HK3: variants seen among roughly 807,000 people sequenced by gnomAD.
HK3 encodes the protein hexokinase-3.
In HK3, 93 loss-of-function variants were observed where a neutral mutation model predicts 91.0. The ratio of observed to expected loss-of-function variants is 1.02; its 90% CI spans 0.86 to 1.21. The LOEUF is 1.21. HK3 is among the 50% of genes most tolerant of loss of function. HK3 has a pLI of 0.00. For synonymous variants in HK3, 519 were observed against 516.9 expected (o/e 1.00, Z -0.06); for missense variants, 1,235 against 1,247.4 (o/e 0.99, Z 0.15).
chr5:176,884,056 C>T lies in HK3; in HGVS notation c.1936G>A (p.Ala646Thr). ...GQDVVSLLRE[A>T]ITRRQAVELN... is the part of the protein sequence containing the mutation. Reference sequence around the variant, plus strand: ...GCTCCTACCTGTCTGCGAGTGATGGCTTCCCGCAACAGACTCACGACATCT... The same window carrying T: ...GCTCCTACCTGTCTGCGAGTGATGGTTTCCCGCAACAGACTCACGACATCT... Residue 646 changes from alanine to threonine, a missense_variant, in exon 14 of 19, where the codon GCC becomes ACC. By Grantham distance (58) the Ala-to-Thr change is moderately conservative (BLOSUM62 0). Transcript: ENST00000292432. This position sits in a 1 kb window ranked among gnomAD's most constrained non-coding sequence, Gnocchi z 4.1. 6.2e-7 allele frequency: 1 copy of T among 1,614,172 alleles called. No homozygotes were observed. The highest frequency in any genetic ancestry group is 8.5e-7 in the Non-Finnish European group (1 of 1,180,016).
chr5:176,888,969 C>A, intron 8 of HK3, 105 bp from the exon 9 acceptor site: 2 of 1,335,334 alleles, frequency 1.5e-6, no homozygotes, highest in East Asian at 2.4e-5. Context: ...TTGGGGCTCC[C>A]AAACTGGAGA....
rs1319288171 is a variant in HK3 at position 176,881,691 on chromosome 5, C to G, written c.2393+1G>C. 6.2e-7 allele frequency: 1 copy of G among 1,614,084 alleles called. No homozygotes were observed. ...GGGGAGGCAATGTAGGCCTCAGGCACCTTTCGATCTCAGAGAGGAACTTGG... is the reference window on the plus strand; with the variant it reads ...GGGGAGGCAATGTAGGCCTCAGGCAGCTTTCGATCTCAGAGAGGAACTTGG... On this transcript the variant is annotated splice_donor_variant, in intron 17 of 18. Transcript: ENST00000292432. LOFTEE classifies it high-confidence loss of function.
rs528270181 is a variant in HK3 at position 176,887,248 on chromosome 5, C to T, written c.1690G>A (p.Glu564Lys). 6.8e-6 allele frequency: 11 copies of T among 1,614,098 alleles called. No homozygotes were observed. The South Asian group carries it at 7.7e-5, about 11-fold the overall frequency. Reference protein sequence around the residue: ...RVTTGVQITSEIYSIPETVAQ... With the variant: ...RVTTGVQITSKIYSIPETVAQ... ...ACAGTCTCGGGAATGGAGTAGATCT[C>T]GCTGGTGATCTGCACGCCTGTGGTC... is the stretch of plus-strand genomic sequence containing the variant. The change falls in exon 12 of 19, where the codon GAG becomes AAG. Residue 564 changes from glutamate (E) to lysine (K), a missense_variant. This residue lies in a region of HK3 where 5 missense variants were observed against 18.4 expected (regional missense o/e 0.27). Coordinates refer to ENST00000292432, the MANE Select transcript of HK3 (RefSeq NM_002115.3). This position sits in a 1 kb window ranked among gnomAD's most constrained non-coding sequence, Gnocchi z 4.9.
In HK3 at chr5:176,884,619, TGTTCCAAATGCAGGGGCAG is replaced by T. The variant is rs1301483044; in HGVS notation, c.1858-504_1858-486del. Among the ~76,000 whole-genome samples, 1 of 152,210 alleles carries T rather than the reference TGTTCCAAATGCAGGGGCAG, an allele frequency of 6.6e-6. No individual in the cohort carries two copies. The highest frequency in any genetic ancestry group is 1.5e-5 in the Non-Finnish European group (1 of 68,034). On this transcript the variant is annotated intron_variant, in intron 13 of 18. Transcript: ENST00000292432. This position sits in a 1 kb window ranked among gnomAD's most constrained non-coding sequence, Gnocchi z 4.1. ...CGTGTCAATGGGCGAGTCACTCATG[TGTTCCAAATGCAGGGGCAG>T]GAGGAATGGAAAAGCCAGAACCCAG...
At chr5:176,892,357 C>T (rs1288452446) in intron 2 of HK3, among the ~76,000 whole-genome samples, 3 of 152,078 alleles carry the variant, frequency 2.0e-5, no homozygotes, top group Admixed American at 1.3e-4. Context: ...ACAAGCCATT[C>T]GAAGATCCAG....
Position 176,887,846 on chromosome 5 carries a change from C to T in HK3, c.1305-100G>A, listed in dbSNP as rs1758643709. 1.6e-6 allele frequency: 2 copies of T among 1,289,442 alleles called. No homozygotes were observed. The allele number at this position is 1,289,442 out of a possible 1,614,324, so 79.9% of individuals were successfully genotyped here. On this transcript the variant is annotated intron_variant, in intron 10 of 18. Coordinates refer to ENST00000292432, the MANE Select transcript of HK3 (RefSeq NM_002115.3). The surrounding 1 kb of genome is among the most constrained non-coding windows in gnomAD (Gnocchi z 4.9). ...GGACCCCCAGATACATACAGGTGTGCCCAGCTTGGCCCCAGACCCCTAGGG... is the reference window on the plus strand; with the variant it reads ...GGACCCCCAGATACATACAGGTGTGTCCAGCTTGGCCCCAGACCCCTAGGG...
rs1758642098 is a variant in HK3, at chr5:176,887,802, G to A, written c.1305-56C>T. On this transcript the variant is annotated intron_variant, in intron 10 of 18. Transcript: ENST00000292432. This position sits in a 1 kb window ranked among gnomAD's most constrained non-coding sequence, Gnocchi z 4.9. ...GCCCTGGACCCCCAGACACACACAGGTGTGCACGGCTTGGCCCTGGACCCC... is the reference window on the plus strand; with the variant it reads ...GCCCTGGACCCCCAGACACACACAGATGTGCACGGCTTGGCCCTGGACCCC... 13 of 1,548,594 alleles carry A rather than the reference G, an allele frequency of 8.4e-6. No individual in the cohort carries two copies. Among genetic ancestry groups the A allele is most frequent in the Admixed American group, 5.3e-5 (3 of 56,088 alleles).
At chr5:176,890,263 A>G (rs1758730464) in intron 6 of HK3, among the ~76,000 whole-genome samples, 1 of 152,160 alleles carries the variant, frequency 6.6e-6, no homozygotes, top group Non-Finnish European at 1.5e-5. Context: ...CCCTGATCAA[A>G]GAGCCAGTGC....
Position 176,882,041 on chromosome 5 carries a change from C to T in HK3, c.2140G>A (p.Glu714Lys). The T allele has an allele frequency of 6.2e-7, 1 of 1,613,186 alleles. No individual in the cohort carries two copies. The highest frequency in any genetic ancestry group is 8.5e-7 in the Non-Finnish European group (1 of 1,180,018). Residue 714 changes from glutamate to lysine, a missense_variant, in exon 16 of 19, where the codon GAG (glutamate) becomes AAG (lysine). Coordinates refer to ENST00000292432, the MANE Select transcript of HK3 (RefSeq NM_002115.3). ...CCATCGTCCCCAAAGGCGCCCCACT[C>T]CATGTTGATGCACATGCGGCCTGAG... ...GDSGRMCINM[E>K]WGAFGDDGSL...
Position 176,887,797 on chromosome 5 carries a change from C to T in HK3, c.1305-51G>A, listed in dbSNP as rs780805641. ...GCTTGGCCCTGGACCCCCAGACACA[C>T]ACAGGTGTGCACGGCTTGGCCCTGG... is the stretch of plus-strand genomic sequence containing the variant. On this transcript the variant is annotated intron_variant, in intron 10 of 18. Transcript: ENST00000292432. This position sits in a 1 kb window ranked among gnomAD's most constrained non-coding sequence, Gnocchi z 4.9. The T allele has an allele frequency of 3.2e-6, 5 of 1,549,638 alleles. No individual in the cohort carries two copies. Among genetic ancestry groups the T allele is most frequent in the Non-Finnish European group, 4.4e-6 (5 of 1,141,892 alleles).
At chr5:176,881,257 C>T in intron 18 of HK3, 40 bp from the exon 19 acceptor site, 1 of 1,613,318 alleles carries the variant, frequency 6.2e-7, no homozygotes, top group South Asian at 1.1e-5. Context: ...GCCACCAGCC[C>T]CACCTGGCCA....
Position 176,881,889 on chromosome 5 carries a change from C to A in HK3, c.2238-42G>T, listed in dbSNP as rs201115878. 3 of 1,612,066 alleles carry A rather than the reference C, an allele frequency of 1.9e-6. No homozygotes were observed. In the Admixed American group the frequency reaches 5.0e-5, roughly 27 times the overall value. On this transcript the variant is annotated intron_variant, in intron 16 of 18. Coordinates refer to ENST00000292432, the MANE Select transcript of HK3 (RefSeq NM_002115.3). ...GCACTCGGCAGAAGGCCCCACCAGC[C>A]ACCATCCCCAGCACCGGTCACAGCC...
chr5:176,898,557 C>T (rs542721945), intron 1 of HK3, among the ~76,000 whole-genome samples: 1 of 152,364 alleles, frequency 6.6e-6, no homozygotes, highest in Non-Finnish European at 1.5e-5. Flanking sequence ...TTCCCTCATC[C>T]ATTCAATATT....
At position 176,894,721 on chromosome 5, in the gene HK3, G is replaced by T. The variant is rs908931439; in HGVS notation, c.96+1343C>A. 1.4e-4 allele frequency among the ~76,000 whole-genome samples: 22 copies of T among 151,846 alleles called. 1 individual carries two copies. The South Asian group carries it at 4.0e-3, about 27-fold the overall frequency. ...TGTCAGAATATGCCAGAAAACTAAA[G>T]AAACTGCAGAGAATGACTCAAGTAC... On this transcript the variant is annotated intron_variant, in intron 2 of 18. Coordinates refer to ENST00000292432, the MANE Select transcript of HK3 (RefSeq NM_002115.3).
At chr5:176,888,965 C>T in intron 8 of HK3, 101 bp from the exon 9 acceptor site, 2 of 1,379,330 alleles carry the variant, frequency 1.4e-6, no homozygotes, top group Non-Finnish European at 1.9e-6. Flanking sequence ...TTCTTTGGGG[C>T]TCCCAAACTG....
Position 176,889,465 on chromosome 5 carries a change from A to C in HK3, c.830T>G (p.Phe277Cys). ...TGGTCCCAGCGCCCCATCATCGCTGAAGGAGCCCCACTCGACGCTGACGCA... is the reference window on the plus strand; with the variant it reads ...TGGTCCCAGCGCCCCATCATCGCTGCAGGAGCCCCACTCGACGCTGACGCA... ...RVCVSVEWGS[F>C]SDDGALGPVL... Residue 277 changes from phenylalanine (F) to cysteine (C), a missense_variant, in exon 8 of 19, where the codon TTC (phenylalanine) becomes TGC (cysteine). Phe to Cys is a radical substitution (Grantham distance 205). Around this residue, in one of 3 missense-constraint regions of HK3, gnomAD observed 717 missense variants for 751.6 expected, o/e 0.95. Coordinates refer to ENST00000292432, the MANE Select transcript of HK3 (RefSeq NM_002115.3). 6.2e-7 allele frequency: 1 copy of C among 1,614,182 alleles called. No individual in the cohort carries two copies. Among genetic ancestry groups the C allele is most frequent in the East Asian group, 2.2e-5 (1 of 44,888 alleles).
Position 176,887,053 on chromosome 5 carries a change from G to C in HK3, c.1806C>G (p.Leu602=), listed in dbSNP as rs1758605921. Residue 602 remains leucine, a synonymous_variant, in exon 13 of 19, where the codon CTC becomes CTG. Transcript: ENST00000292432. The surrounding 1 kb of genome is among the most constrained non-coding windows in gnomAD (Gnocchi z 4.9). ...QQKQGLSGQS[L]PLGFTFSFPC... is the part of the protein sequence containing the mutation. The stretch of plus-strand genomic sequence containing the variant: ...GGAAGGAGAAGGTAAAACCCAGTGG[G>C]AGGCTCTGCCCGCTCAGGCCCTGCT... 1.2e-6 allele frequency: 2 copies of C among 1,614,092 alleles called. No homozygotes were observed. Among genetic ancestry groups the C allele is most frequent in the African/African-American group, 2.7e-5 (2 of 74,944 alleles).
intron 15 of HK3, 136 bp from the exon 16 acceptor site, chr5:176,882,263 G>T (rs1758458059): frequency 2.2e-6 from 2 of 927,312 alleles, no homozygotes; most frequent in East Asian, 5.3e-5. Flanking sequence ...CCCTGGTCCT[G>T]GTCCTTCTTC....
rs777867157 is a variant in HK3 at position 176,883,738 on chromosome 5, G to A, written c.2053+32C>T. The A allele has an allele frequency of 3.9e-6, 6 of 1,547,960 alleles. No homozygotes were observed. The South Asian group carries it at 6.7e-5, about 17-fold the overall frequency. ...ACAGAAGGCAGCAAATTGCCAAGCA[G>A]TAGGGGCATGAAAGGGCAGGGCCCT... On this transcript the variant is annotated intron_variant, in intron 15 of 18. Coordinates refer to ENST00000292432, the MANE Select transcript of HK3 (RefSeq NM_002115.3).
Sources: gnomAD v4.1 joint callset for allele counts (sites outside exome capture counted in the v4.1 genomes callset) on GRCh38, gnomAD v4.1.1 for gene constraint, gnomAD v4.1.1 regional missense constraint, Gnocchi (gnomAD v3.1) non-coding constraint, MANE v1.5 for transcripts, NCBI Gene and HGNC (gene_info 2026-07-23, HGNC 2026-07-21) for gene names.